The following ABCC1 variants were observed in gnomAD, a reference collection of about 807,000 sequenced individuals.
The protein encoded by ABCC1 is ATP binding cassette subfamily C member 1 (ABCC1 blood group).
ABCC1 carries 83 observed loss-of-function variants against 172.9 expected under a neutral mutation model. That is an observed-to-expected ratio of 0.48 (90% CI 0.40 to 0.58). The LOEUF is 0.58. ABCC1 is among the 20% of genes least tolerant of loss of function. ABCC1 has a pLI of 0.00. For synonymous variants in ABCC1, 937 were observed against 825.2 expected (o/e 1.14, Z -2.32); for missense variants, 1,817 against 2,002.7 (o/e 0.91, Z 1.77).
At chr16:16,100,428 T>C (rs2051679238) in intron 19 of ABCC1, among the ~76,000 whole-genome samples, 1 of 152,170 alleles carries the variant, frequency 6.6e-6, no homozygotes, top group Admixed American at 6.5e-5. Flanking sequence ...TGGAACATTC[T>C]CATCCCTGCA....
chr16:16,094,977 C>T (rs1315295124), intron 19 of ABCC1: 1 of 151,966 alleles, frequency 6.6e-6, no homozygotes, highest in African/African-American at 2.4e-5. Context: ...GCCACCACGC[C>T]CAGCTAATTT....
At chr16:16,096,927 A>G (rs912691382) in intron 19 of ABCC1, among the ~76,000 whole-genome samples, 1 of 152,006 alleles carries the variant, frequency 6.6e-6, no homozygotes, top group African/African-American at 2.4e-5. Flanking sequence ...TAAAAAAAAA[A>G]AGAAAGAACT....
chr16:16,014,024 T>C (rs2047895958), intron 3 of ABCC1, among the ~76,000 whole-genome samples: 1 of 152,210 alleles, frequency 6.6e-6, no homozygotes, highest in Non-Finnish European at 1.5e-5. Flanking sequence ...AAAGTTTTAT[T>C]GGCATGAAGG....
At chr16:16,109,705 C>T (rs1160206584) in intron 21 of ABCC1, among the ~76,000 whole-genome samples, 1 of 152,148 alleles carries the variant, frequency 6.6e-6, no homozygotes, top group African/African-American at 2.4e-5. Context: ...CAACCTTCAC[C>T]TCCTGGAGCG....
chr16:16,005,213 G>C (rs1243950036), intron 1 of ABCC1, among the ~76,000 whole-genome samples: 1 of 151,988 alleles, frequency 6.6e-6, no homozygotes, highest in East Asian at 1.9e-4. Context: ...AGTAGGATGG[G>C]AAGGCTGTGG....
intron 12 of ABCC1, among the ~76,000 whole-genome samples, chr16:16,067,793 C>A (rs1008316415): frequency 6.6e-6 from 1 of 152,050 alleles, no homozygotes; most frequent in African/African-American, 2.4e-5. Flanking sequence ...GTCAGGTGGC[C>A]CCCTGGATGG....
At chr16:16,023,985 G>C (rs993664477) in intron 5 of ABCC1, among the ~76,000 whole-genome samples, 10 of 152,152 alleles carry the variant, frequency 6.6e-5, no homozygotes, top group African/African-American at 2.4e-4. Context: ...TTGGGAGGCC[G>C]AGGCAGGCAG....
chr16:16,061,446 T>A (rs1024836349), intron 12 of ABCC1, among the ~76,000 whole-genome samples: 6 of 152,240 alleles, frequency 3.9e-5, no homozygotes, highest in African/African-American at 1.4e-4. Context: ...TGCTAAGTCG[T>A]ACCTCTCCCT....
intron 1 of ABCC1, among the ~76,000 whole-genome samples, chr16:15,985,357 T>C (rs939782772): frequency 6.6e-6 from 1 of 152,164 alleles, no homozygotes. Flanking sequence ...GAACAAGCAT[T>C]ACTCAGCAAG....
rs138226390 is a variant in ABCC1 at position 16,133,358 on chromosome 16, T to C, written c.3967-992T>C. On this transcript the variant is annotated intron_variant, in intron 27 of 30. Transcript: ENST00000399410. The stretch of plus-strand genomic sequence containing the variant: ...TTACAGAGAAGAGCAGAGTGGGTGA[T>C]GTTCTTGCTGTCTTTTTTTGTTTTT... 2.8e-3 allele frequency among the ~76,000 whole-genome samples: 414 copies of C among 150,424 alleles called. 3 individuals carry two copies. Among genetic ancestry groups the C allele is most frequent in the Middle Eastern group, 0.014 (4 of 292 alleles).
chr16:16,097,757 G>A lies in ABCC1; in HGVS notation c.2645-4870G>A, dbSNP rs555319960. 5.3e-5 allele frequency among the ~76,000 whole-genome samples: 8 copies of A among 152,264 alleles called. No individual in the cohort carries two copies. In the South Asian group the frequency reaches 8.3e-4, roughly 16 times the overall value. ...TTGTCAGTCTGCCCATCTGTCTGTCGGGTGTGTACAGAGTGCCTGCTGTGT... is the reference window on the plus strand; with the variant it reads ...TTGTCAGTCTGCCCATCTGTCTGTCAGGTGTGTACAGAGTGCCTGCTGTGT... On this transcript the variant is annotated intron_variant, in intron 19 of 30. Transcript: ENST00000399410.
At chr16:16,080,757 T>C (rs1326373587) in intron 16 of ABCC1, among the ~76,000 whole-genome samples, 1 of 152,246 alleles carries the variant, frequency 6.6e-6, no homozygotes, top group African/African-American at 2.4e-5. Flanking sequence ...CTATTAACTG[T>C]TTAACCTTAT....
chr16:16,108,960 G>A (rs980552475), intron 21 of ABCC1, among the ~76,000 whole-genome samples: 5 of 151,762 alleles, frequency 3.3e-5, no homozygotes, highest in South Asian at 4.2e-4. Flanking sequence ...GTTCCTGAAC[G>A]CTGCAGGCTA....
At chr16:16,110,333 C>T (rs993441738) in intron 21 of ABCC1, among the ~76,000 whole-genome samples, 12 of 152,068 alleles carry the variant, frequency 7.9e-5, no homozygotes, top group Admixed American at 2.0e-4. Context: ...ATCCACTTGC[C>T]GCAGCCCCTC....
At chr16:16,106,940 CTG>C in intron 21 of ABCC1, 67 bp downstream of exon 21, 3 of 1,599,002 alleles carry the variant, frequency 1.9e-6, no homozygotes, top group East Asian at 4.5e-5. Context: ...GCACTGGGCA[CTG>C]TGCAAAGTGC....
At chr16:16,029,122 G>T (rs1023852298) in intron 5 of ABCC1, among the ~76,000 whole-genome samples, 3 of 152,168 alleles carry the variant, frequency 2.0e-5, no homozygotes, top group African/African-American at 7.2e-5. Flanking sequence ...CTTAGCCCTG[G>T]CTGTGTATTT....
intron 13 of ABCC1, 121 bp downstream of exon 13, chr16:16,068,423 C>T (rs781425068): frequency 9.5e-5 from 107 of 1,130,264 alleles, no homozygotes; most frequent in Middle Eastern, 5.8e-4. Context: ...CCATGAGGCC[C>T]GGACAAAGGC....
At chr16:15,974,001 A>G (rs894725886) in intron 1 of ABCC1, among the ~76,000 whole-genome samples, 12 of 152,078 alleles carry the variant, frequency 7.9e-5, no homozygotes, top group African/African-American at 1.2e-4. Context: ...AAGAATGTGC[A>G]TATGAATTCA....
intron 2 of ABCC1, 110 bp from the exon 3 acceptor site, chr16:16,009,666 C>T: frequency 8.4e-7 from 1 of 1,192,758 alleles, no homozygotes; most frequent in Non-Finnish European, 1.2e-6. Context: ...TGTGGCTGAT[C>T]ATTTGAAGGC....
Sources: allele counts gnomAD v4.1 joint callset (sites outside exome capture counted in the v4.1 genomes callset), GRCh38; gene constraint gnomAD v4.1.1; transcripts MANE v1.5; gene names NCBI Gene and HGNC (gene_info 2026-07-23, HGNC 2026-07-21).